The following CAMSAP1 variants were observed in gnomAD, a reference collection of about 807,000 sequenced individuals.
CAMSAP1 encodes the protein calmodulin-regulated spectrin-associated protein 1.
In CAMSAP1, 58 loss-of-function variants were observed where a neutral mutation model predicts 143.5. The observed-to-expected ratio is 0.40, with a 90% CI of 0.33 to 0.50. The LOEUF is 0.50. Among genes scored for constraint, CAMSAP1 ranks in the 20% least tolerant of loss-of-function variants. CAMSAP1 has a pLI of 0.45. For synonymous variants in CAMSAP1, 945 were observed against 859.3 expected, an observed-to-expected ratio of 1.10 and a Z score of -1.74; for missense variants, 1,969 against 2,115.7, an observed-to-expected ratio of 0.93 and a Z score of 1.36.
At chr9:135,876,918 A>G (rs1242738760) in intron 3 of CAMSAP1, among the ~76,000 whole-genome samples, 2 of 152,162 alleles carry the variant, frequency 1.3e-5, no homozygotes, top group Non-Finnish European at 2.9e-5. Flanking sequence ...CTGAGGCAAG[A>G]GAATCGCTTG....
rs147269559 is a variant in CAMSAP1, at chr9:135,815,927, C to T, written c.4350G>A (p.Ser1450=). 3.9e-4 allele frequency: 630 copies of T among 1,613,784 alleles called. 6 individuals are homozygous for T. In the South Asian group the frequency reaches 5.6e-3, roughly 14 times the overall value. The part of the protein sequence containing the change: ...RSTDRDWETA[S]AASSLASVAE... Reference sequence around the variant, plus strand: ...CCACTGAGGCCAGGGAAGATGCCGCCGACGCGGTCTCCCAGTCTCGGTCTG... The same window carrying T: ...CCACTGAGGCCAGGGAAGATGCCGCTGACGCGGTCTCCCAGTCTCGGTCTG... The change falls in exon 15 of 17, where the codon TCG becomes TCA. Residue 1450 remains serine (S), a synonymous_variant. Coordinates refer to ENST00000389532, the MANE Select transcript of CAMSAP1 (RefSeq NM_015447.4).
At chr9:135,896,463 C>A (rs530217095) in intron 1 of CAMSAP1, among the ~76,000 whole-genome samples, 1 of 152,216 alleles carries the variant, frequency 6.6e-6, no homozygotes, top group East Asian at 1.9e-4. Flanking sequence ...ACCCCCTAGA[C>A]AGAATTACTA....
Position 135,821,890 on chromosome 9 carries a change from G to A in CAMSAP1, c.2771C>T (p.Ala924Val), listed in dbSNP as rs1835477999. Residue 924 changes from alanine to valine, a missense_variant, in exon 11 of 17, where the codon GCC becomes GTC. Physicochemically the swap from Ala to Val is moderately conservative, Grantham distance 64. Transcript: ENST00000389532. The surrounding 1 kb of genome is among the most constrained non-coding windows in gnomAD (Gnocchi z 4.6). ...AFLHVVKKGK[A>V]EAAPPLRPEH... is the part of the protein sequence containing the mutation. The stretch of plus-strand genomic sequence containing the variant: ...CGGCCTGAGGGGTGGGGCAGCCTCG[G>A]CCTTGCCCTTCTTCACCACATGCAG... 1 of 1,613,986 alleles carries A rather than the reference G, an allele frequency of 6.2e-7. No homozygotes were observed. Among genetic ancestry groups the A allele is most frequent in the Non-Finnish European group, 8.5e-7 (1 of 1,179,906 alleles).
intron 3 of CAMSAP1, among the ~76,000 whole-genome samples, chr9:135,878,849 A>C (rs1837837950): frequency 6.6e-6 from 1 of 152,262 alleles, no homozygotes; most frequent in Non-Finnish European, 1.5e-5. Flanking sequence ...AACGTAAGGA[A>C]CTTAAATTCA....
intron 5 of CAMSAP1, among the ~76,000 whole-genome samples, chr9:135,851,142 G>A (rs1836768362): frequency 6.6e-6 from 1 of 152,204 alleles, no homozygotes; most frequent in Non-Finnish European, 1.5e-5. Flanking sequence ...TGGAGTGGGG[G>A]GTGGCCCTCA....
intron 4 of CAMSAP1, among the ~76,000 whole-genome samples, chr9:135,865,703 T>A (rs1352211171): frequency 6.6e-6 from 1 of 152,178 alleles, no homozygotes; most frequent in African/African-American, 2.4e-5. Context: ...CATGACCATC[T>A]GAGGAACAGG....
At position 135,824,840 on chromosome 9, in the gene CAMSAP1, A is replaced by G; in HGVS notation, c.1264T>C (p.Leu422=). The G allele has an allele frequency of 6.2e-7, 1 of 1,604,708 alleles. No homozygotes were observed. The highest frequency in any genetic ancestry group is 8.5e-7 in the Non-Finnish European group (1 of 1,175,698). ...TTCTGCTGTTTCTGTCTCAGTGGCAATAAAGGATGGGATGGGCTGAAGGCA... is the reference window on the plus strand; with the variant it reads ...TTCTGCTGTTTCTGTCTCAGTGGCAGTAAAGGATGGGATGGGCTGAAGGCA... The part of the protein sequence containing the change: ...TAAFSPSHPL[L]PLRQKQQKSI... The change falls in exon 9 of 17, where the codon TTG becomes CTG. Residue 422 remains leucine (L), a synonymous_variant. Transcript: ENST00000389532. The surrounding 1 kb of genome is among the most constrained non-coding windows in gnomAD (Gnocchi z 4.1).
chr9:135,854,890 C>T (rs866274034), intron 5 of CAMSAP1, among the ~76,000 whole-genome samples: 1 of 152,136 alleles, frequency 6.6e-6, no homozygotes. Flanking sequence ...CAGTACCCAA[C>T]AGTTATCTTT....
At chr9:135,887,089 C>T (rs1448745889) in intron 1 of CAMSAP1, among the ~76,000 whole-genome samples, 1 of 152,174 alleles carries the variant, frequency 6.6e-6, no homozygotes, top group Non-Finnish European at 1.5e-5. Flanking sequence ...TACATATACA[C>T]AGCCATCGAT....
Position 135,821,058 on chromosome 9 carries a change from C to T in CAMSAP1, c.3603G>A (p.Leu1201=), listed in dbSNP as rs371536369. The T allele has an allele frequency of 1.9e-6, 3 of 1,613,870 alleles. No individual in the cohort carries two copies. Among genetic ancestry groups the T allele is most frequent in the East Asian group, 2.2e-5 (1 of 44,890 alleles). Residue 1201 remains leucine, a synonymous_variant, in exon 11 of 17, where the codon CTG becomes CTA. Transcript: ENST00000389532. The surrounding 1 kb of genome is among the most constrained non-coding windows in gnomAD (Gnocchi z 4.6). ...ACCCCACCTCCTTCACACTCGCATC[C>T]AGAACTTCTTTGAGGCTCATCTGCT... The part of the protein sequence containing the change: ...LSEQMSLKEV[L]DASVKEVGSS...
intron 16 of CAMSAP1, among the ~76,000 whole-genome samples, chr9:135,813,951 T>C (rs1479020736): frequency 2.0e-5 from 3 of 152,226 alleles, no homozygotes; most frequent in Non-Finnish European, 4.4e-5. Context: ...TAGCCCCGCC[T>C]CTGTCTTCTC....
chr9:135,814,983 TC>T, intron 16 of CAMSAP1, 113 bp downstream of exon 16: 1 of 772,144 alleles, frequency 1.3e-6, no homozygotes, highest in South Asian at 1.8e-5. Flanking sequence ...ATCTGCATTC[TC>T]CCTAGTAACT....
chr9:135,817,704 C>T (rs538020535), intron 14 of CAMSAP1: 3 of 383,242 alleles, frequency 7.8e-6, no homozygotes, highest in East Asian at 1.2e-4. Flanking sequence ...TGGACTCCAA[C>T]GGACTCAAAA....
intron 1 of CAMSAP1, among the ~76,000 whole-genome samples, chr9:135,898,829 C>G (rs1465503553): frequency 6.6e-6 from 1 of 152,190 alleles, no homozygotes; most frequent in East Asian, 1.9e-4. Context: ...ACATATGTAT[C>G]TTATTATCAC....
chr9:135,832,709 C>A (rs2131687596), intron 7 of CAMSAP1, among the ~76,000 whole-genome samples: 1 of 152,202 alleles, frequency 6.6e-6, no homozygotes, highest in East Asian at 1.9e-4. Context: ...ACAAAATCAA[C>A]ATGAAAAAAC....
intron 3 of CAMSAP1, among the ~76,000 whole-genome samples, chr9:135,873,361 C>T (rs1837628260): frequency 6.6e-6 from 1 of 152,024 alleles, no homozygotes; most frequent in African/African-American, 2.4e-5. Context: ...TAAATACCTG[C>T]CTTCAAAATG....
intron 1 of CAMSAP1, 56 bp downstream of exon 1, chr9:135,906,944 C>T (rs1838802038): frequency 1.1e-6 from 1 of 929,112 alleles, no homozygotes; most frequent in Non-Finnish European, 1.3e-6. Context: ...CCGGCCGCGT[C>T]CCCCGGCCCC....
chr9:135,847,104 T>C (rs1403496090), intron 7 of CAMSAP1, among the ~76,000 whole-genome samples: 1 of 151,936 alleles, frequency 6.6e-6, no homozygotes, highest in Non-Finnish European at 1.5e-5. Flanking sequence ...TCCCAGCACT[T>C]TGGGAGGCTG....
intron 1 of CAMSAP1, among the ~76,000 whole-genome samples, chr9:135,883,581 T>C (rs935870189): frequency 2.6e-5 from 4 of 152,138 alleles, no homozygotes; most frequent in Non-Finnish European, 5.9e-5. Flanking sequence ...TCAGAAGTGA[T>C]AACAGAGGGT....
Sources: gnomAD v4.1 joint callset for allele counts (sites outside exome capture counted in the v4.1 genomes callset) on GRCh38, gnomAD v4.1.1 for gene constraint, Gnocchi (gnomAD v3.1) non-coding constraint, MANE v1.5 for transcripts, NCBI Gene and HGNC (gene_info 2026-07-23, HGNC 2026-07-21) for gene names.